MDGA1: variants seen among roughly 807,000 people sequenced by gnomAD.
MDGA1 encodes MAM domain-containing glycosylphosphatidylinositol anchor protein 1.
Under a neutral mutation model 101.5 loss-of-function variants are expected in MDGA1, and 54 were observed. The observed-to-expected ratio is 0.53, with a 90% confidence interval of 0.43 to 0.67. The LOEUF (loss-of-function observed/expected upper bound fraction) is 0.67, where lower values mean the gene tolerates loss of function less well. Ranked by LOEUF, MDGA1 falls within the 30% of genes least tolerant of loss-of-function variation. The probability of loss-of-function intolerance (pLI) is 0.00; values close to 1 mark genes in which losing one functional copy is unlikely to be tolerated. For synonymous variants in MDGA1, 533 were observed against 558.3 expected, an observed-to-expected ratio of 0.95 and a Z score of 0.64; for missense variants, 1,083 against 1,323.8, an observed-to-expected ratio of 0.82 and a Z score of 2.82.
intron 1 of MDGA1, among the ~76,000 whole-genome samples, chr6:37,669,845 CAA>C (rs1469042185): frequency 7.2e-5 from 11 of 152,210 alleles, no homozygotes; most frequent in Non-Finnish European, 4.4e-5. Flanking sequence ...GAAAAGCAAA[CAA>C]GAGATGGCTC....
chr6:37,686,848 G>A (rs1489398960), intron 1 of MDGA1, among the ~76,000 whole-genome samples: 2 of 152,208 alleles, frequency 1.3e-5, no homozygotes, highest in Non-Finnish European at 2.9e-5. Context: ...CTTGAGACTT[G>A]AGAAAGTCAT....
intron 1 of MDGA1, among the ~76,000 whole-genome samples, chr6:37,685,669 A>C (rs760009410): frequency 1.3e-5 from 2 of 152,148 alleles, no homozygotes; most frequent in Non-Finnish European, 2.9e-5. Flanking sequence ...GAGAGGTACC[A>C]ACCGGTAGAC....
intron 1 of MDGA1, among the ~76,000 whole-genome samples, chr6:37,690,499 C>T (rs980283423): frequency 7.2e-5 from 11 of 152,176 alleles, no homozygotes; most frequent in Admixed American, 6.5e-5. Flanking sequence ...TTATTCCTGG[C>T]CAGGCACAGT....
At chr6:37,647,747 G>A (rs1366290698) in intron 9 of MDGA1, among the ~76,000 whole-genome samples, 2 of 151,884 alleles carry the variant, frequency 1.3e-5, no homozygotes, top group Non-Finnish European at 2.9e-5. Context: ...GGAGTGGGGA[G>A]ACAGGGAAAG....
chr6:37,686,732 C>A (rs1303872103), intron 1 of MDGA1, among the ~76,000 whole-genome samples: 5 of 152,144 alleles, frequency 3.3e-5, no homozygotes, highest in Non-Finnish European at 1.5e-5. Context: ...TAGCCAGCAT[C>A]AGGACTTTTT....
Position 37,638,963 on chromosome 6 carries a change from C to T in MDGA1, c.2537-296G>A. 1 of 336,536 alleles carries T rather than the reference C, an allele frequency of 3.0e-6. No homozygotes were observed. Among genetic ancestry groups the T allele is most frequent in the South Asian group, 3.1e-5 (1 of 32,476 alleles). 20.8% of individuals were successfully genotyped at this position (336,536 alleles called of 1,614,324 possible). A position where few individuals can be genotyped will look rare whatever the true frequency, so the allele number is the denominator to read the frequency against. ...CCAACCCCAAACACACACATGCACA[C>T]ACACCCTACCCTTCCCCTCTAGGCA... On this transcript the variant is annotated intron_variant, in intron 14 of 16. Coordinates refer to ENST00000434837, the MANE Select transcript of MDGA1 (RefSeq NM_153487.4). This position sits in a 1 kb window ranked among gnomAD's most constrained non-coding sequence, Gnocchi z 4.8.
intron 14 of MDGA1, among the ~76,000 whole-genome samples, chr6:37,640,780 G>A (rs1270009297): frequency 6.6e-6 from 1 of 152,148 alleles, no homozygotes. Context: ...GGCAGTGGAG[G>A]AGGAAGAAAT....
chr6:37,670,881 C>T (rs1024564131), intron 1 of MDGA1, among the ~76,000 whole-genome samples: 3 of 152,234 alleles, frequency 2.0e-5, no homozygotes, highest in Admixed American at 6.5e-5. Flanking sequence ...CTCACTGAGA[C>T]AGCAGCACAG....
chr6:37,653,486 T>C (rs1761414699), intron 6 of MDGA1, among the ~76,000 whole-genome samples: 1 of 152,090 alleles, frequency 6.6e-6, no homozygotes, highest in Admixed American at 6.5e-5. Flanking sequence ...GTTCAAGTGC[T>C]AAAGAGCTGG....
At chr6:37,664,352 T>G (rs1320488199) in intron 1 of MDGA1, 3 of 498,792 alleles carry the variant, frequency 6.0e-6, no homozygotes, top group African/African-American at 5.7e-5. Flanking sequence ...TGCTTTTCAG[T>G]GGGCTGATTG....
intron 1 of MDGA1, among the ~76,000 whole-genome samples, chr6:37,664,475 A>G (rs1397479048): frequency 6.6e-6 from 1 of 152,106 alleles, no homozygotes; most frequent in African/African-American, 2.4e-5. Flanking sequence ...CCAAGGTGAC[A>G]GGTGCATCCA....
rs760390939 is a variant in MDGA1, at chr6:37,658,234, C to A, written c.382+11G>T. On this transcript the variant is annotated intron_variant, in intron 3 of 16. Transcript: ENST00000434837. The stretch of plus-strand genomic sequence containing the variant: ...TGTCAGGGCCCGGGGAGAGAGGGGG[C>A]CTCAACTCACACTGCACGTCCACGC... The A allele has an allele frequency of 6.4e-7, 1 of 1,569,182 alleles. No homozygotes were observed.
At chr6:37,680,469 A>C (rs1403214527) in intron 1 of MDGA1, among the ~76,000 whole-genome samples, 2 of 152,246 alleles carry the variant, frequency 1.3e-5, no homozygotes, top group Non-Finnish European at 2.9e-5. Flanking sequence ...GAGGAGCACC[A>C]GTGAGGAAAC....
chr6:37,635,802 G>A lies in MDGA1; in HGVS notation c.*1566C>T, dbSNP rs902254263. ...AAAGGTGGAATTTCAGGCCATCGCAGGCAGCTTGAGACTACAGAACAGGGC... is the reference window on the plus strand; with the variant it reads ...AAAGGTGGAATTTCAGGCCATCGCAAGCAGCTTGAGACTACAGAACAGGGC... On this transcript the variant is annotated 3_prime_UTR_variant, in exon 17 of 17. Coordinates refer to ENST00000434837, the MANE Select transcript of MDGA1 (RefSeq NM_153487.4). The A allele has an allele frequency of 5.0e-6, 2 of 398,260 alleles. No individual in the cohort carries two copies. Among genetic ancestry groups the A allele is most frequent in the South Asian group, 1.4e-4 (1 of 7,186 alleles). The allele number at this position is 398,260 out of a possible 1,614,324, so 24.7% of individuals were successfully genotyped here.
chr6:37,640,541 A>G (rs1454994072), intron 14 of MDGA1, among the ~76,000 whole-genome samples: 1 of 152,014 alleles, frequency 6.6e-6, no homozygotes, highest in African/African-American at 2.4e-5. Context: ...GGGTCTCGCT[A>G]TGTTGCCCAG....
chr6:37,673,353 C>T lies in MDGA1; in HGVS notation c.68-9247G>A, dbSNP rs112892344. Among the ~76,000 whole-genome samples the T allele has an allele frequency of 8.5e-3, 1,297 of 152,338 alleles. 12 individuals are homozygous for T. The highest frequency in any genetic ancestry group is 0.04 in the South Asian group (192 of 4,828). ...CCTGGTATGCAAGTGTTTATTGATC[C>T]TTTTATGCATGTAATGCAAATGAAC... On this transcript the variant is annotated intron_variant, in intron 1 of 16. Transcript: ENST00000434837.
intron 1 of MDGA1, among the ~76,000 whole-genome samples, chr6:37,666,693 T>G (rs1012838057): frequency 6.6e-6 from 1 of 152,196 alleles, no homozygotes; most frequent in Non-Finnish European, 1.5e-5. Flanking sequence ...TCAGTGAATG[T>G]TGAACGAATG....
At position 37,654,667 on chromosome 6, in the gene MDGA1, C is replaced by T. The variant is rs559209153; in HGVS notation, c.713-124G>A. The T allele has an allele frequency of 5.2e-4, 800 of 1,544,626 alleles. 11 individuals are homozygous for T. The South Asian group carries it at 8.4e-3, about 16-fold the overall frequency. ...TCAGGGGAGATGAGAGGGGAGAAGA[C>T]GGAGCAGGAAGAGGAGGGGAGGGGC... On this transcript the variant is annotated intron_variant, in intron 5 of 16. Transcript: ENST00000434837.
At chr6:37,678,286 T>C (rs1250381483) in intron 1 of MDGA1, among the ~76,000 whole-genome samples, 2 of 152,062 alleles carry the variant, frequency 1.3e-5, no homozygotes, top group Non-Finnish European at 2.9e-5. Context: ...CCACACCCAA[T>C]TCACCAGCAA....
Sources: allele counts gnomAD v4.1 joint callset (sites outside exome capture counted in the v4.1 genomes callset), GRCh38; gene constraint gnomAD v4.1.1; non-coding constraint Gnocchi (gnomAD v3.1); transcripts MANE v1.5; gene names NCBI Gene and HGNC (gene_info 2026-07-23, HGNC 2026-07-21).